The following EPB41L2 variants were observed in gnomAD, a reference collection of about 807,000 sequenced individuals.
The protein encoded by EPB41L2 is erythrocyte membrane protein band 4.1 like 2, also known as band 4.1-like protein 2.
In EPB41L2, 43 loss-of-function variants were observed where a neutral mutation model predicts 113.0. The ratio of observed to expected loss-of-function variants is 0.38; its 90% CI spans 0.30 to 0.49. EPB41L2 has a LOEUF of 0.49. Ranked by LOEUF, EPB41L2 falls within the 20% of genes least tolerant of loss-of-function variation. EPB41L2 has a pLI of 0.95. For missense variants in EPB41L2, 1,147 were observed against 1,223.4 expected (o/e 0.94, Z 0.93); for synonymous variants, 442 against 436.7 (o/e 1.01, Z -0.15).
At chr6:130,853,059 T>C (rs1779212578) in intron 19 of EPB41L2, among the ~76,000 whole-genome samples, 1 of 152,264 alleles carries the variant, frequency 6.6e-6, no homozygotes, top group Non-Finnish European at 1.5e-5. Context: ...CACTGATTTA[T>C]TGTCTGAAGA....
At chr6:130,988,046 G>A (rs902097239) in intron 1 of EPB41L2, among the ~76,000 whole-genome samples, 1 of 152,076 alleles carries the variant, frequency 6.6e-6, no homozygotes, top group Admixed American at 6.5e-5. Context: ...CACCCAGGAG[G>A]TGGAAGCTGC....
intron 3 of EPB41L2, among the ~76,000 whole-genome samples, chr6:130,952,201 T>C (rs1016589399): frequency 1.3e-5 from 2 of 152,116 alleles, no homozygotes; most frequent in Non-Finnish European, 2.9e-5. Flanking sequence ...GGTTGAAATG[T>C]AAATGGTCAA....
chr6:130,970,812 C>G (rs9398967), intron 1 of EPB41L2, among the ~76,000 whole-genome samples: 22,872 of 152,134 alleles, frequency 0.15, 2,313 homozygotes, highest in East Asian at 0.45. Context: ...AGTACCAAAC[C>G]CAACTCATCA....
At chr6:131,041,873 C>T (rs1393707056) in intron 1 of EPB41L2, among the ~76,000 whole-genome samples, 2 of 152,138 alleles carry the variant, frequency 1.3e-5, no homozygotes, top group Admixed American at 6.5e-5. Flanking sequence ...TATGAAACAA[C>T]TGGATAAATA....
chr6:130,966,368 T>C (rs1775182289), intron 1 of EPB41L2, among the ~76,000 whole-genome samples: 1 of 152,164 alleles, frequency 6.6e-6, no homozygotes. Context: ...AGTACATTGT[T>C]AAGTACAAAC....
intron 14 of EPB41L2, among the ~76,000 whole-genome samples, chr6:130,874,029 C>T (rs1168622747): frequency 6.6e-6 from 1 of 152,170 alleles, no homozygotes; most frequent in South Asian, 2.1e-4. Context: ...AAGTGCCACA[C>T]ATTTCGTTAT....
chr6:130,890,489 AAAG>A, intron 10 of EPB41L2, 23 bp from the exon 11 acceptor site: 7 of 1,574,026 alleles, frequency 4.4e-6, no homozygotes, highest in East Asian at 2.2e-5. Flanking sequence ...AAAAAAAAAA[AAAG>A]AGAGAGAGAA....
intron 1 of EPB41L2, among the ~76,000 whole-genome samples, chr6:131,018,745 T>A (rs1466006061): frequency 1.3e-5 from 2 of 152,222 alleles, no homozygotes; most frequent in East Asian, 3.8e-4. Context: ...TGAATTTTTT[T>A]TATATAGACC....
intron 4 of EPB41L2, among the ~76,000 whole-genome samples, chr6:130,924,342 T>C (rs1481155315): frequency 6.6e-6 from 1 of 152,148 alleles, no homozygotes; most frequent in African/African-American, 2.4e-5. Flanking sequence ...TTCAATTATT[T>C]TGTATATATA....
intron 1 of EPB41L2, among the ~76,000 whole-genome samples, chr6:131,023,731 ATATATATC>A (rs1193621362): frequency 3.4e-5 from 3 of 88,488 alleles, no homozygotes; most frequent in Admixed American, 1.1e-4. Flanking sequence ...GTGTGTGTGT[ATATATATC>A]TATATATCTA....
intron 1 of EPB41L2, among the ~76,000 whole-genome samples, chr6:131,031,314 C>A: frequency 1.3e-5 from 2 of 151,208 alleles, no homozygotes; most frequent in South Asian, 2.1e-4. Context: ...TTTTAAAAAG[C>A]CATAATAGAG....
intron 1 of EPB41L2, among the ~76,000 whole-genome samples, chr6:131,020,718 C>T (rs1419642349): frequency 6.6e-6 from 1 of 152,198 alleles, no homozygotes; most frequent in African/African-American, 2.4e-5. Context: ...GCTCAGTTCA[C>T]TGAGGGGGGT....
At chr6:130,944,321 CAAGA>C (rs1376263283) in intron 3 of EPB41L2, among the ~76,000 whole-genome samples, 1 of 151,842 alleles carries the variant, frequency 6.6e-6, no homozygotes, top group Non-Finnish European at 1.5e-5. Context: ...TATAAATGTA[CAAGA>C]AAGTACAGGG....
chr6:131,002,481 G>A (rs1442539683), intron 1 of EPB41L2, among the ~76,000 whole-genome samples: 1 of 152,128 alleles, frequency 6.6e-6, no homozygotes, highest in Non-Finnish European at 1.5e-5. Context: ...GGTGACATTA[G>A]AATAAATGCC....
At chr6:130,943,087 T>C (rs758199534) in intron 3 of EPB41L2, among the ~76,000 whole-genome samples, 62 of 152,338 alleles carry the variant, frequency 4.1e-4, no homozygotes, top group Middle Eastern at 6.8e-3. Context: ...GGTAGAATGA[T>C]TGATAATCCT....
chr6:130,993,666 T>C (rs1244162351), intron 1 of EPB41L2, among the ~76,000 whole-genome samples: 1 of 150,820 alleles, frequency 6.6e-6, no homozygotes, highest in Admixed American at 6.6e-5. Context: ...GCTTCTGCTA[T>C]CTTGCTGACA....
At chr6:130,847,530 A>T (rs574902756) in intron 19 of EPB41L2, among the ~76,000 whole-genome samples, 3 of 151,988 alleles carry the variant, frequency 2.0e-5, no homozygotes, top group Non-Finnish European at 2.9e-5. Flanking sequence ...AACGGCAGGG[A>T]AAAAAAACAA....
At position 130,955,325 on chromosome 6, in the gene EPB41L2, G is replaced by C; in HGVS notation, c.493-8C>G. ...ACTTACTAATTCAGTAGGCTGTTGA[G>C]GAAAAAAAAATAAATTCATACTATA... On this transcript the variant is annotated splice_polypyrimidine_tract_variant and splice_region_variant and intron_variant, in intron 2 of 19. Coordinates refer to ENST00000337057, the MANE Select transcript of EPB41L2 (RefSeq NM_001431.4). 1 of 1,571,270 alleles carries C rather than the reference G, an allele frequency of 6.4e-7. No homozygotes were observed.
At chr6:131,002,215 C>T in intron 1 of EPB41L2, among the ~76,000 whole-genome samples, 1 of 152,124 alleles carries the variant, frequency 6.6e-6, no homozygotes, top group East Asian at 1.9e-4. Flanking sequence ...CAACTATAAA[C>T]TCACACAGAG....
Sources: allele counts gnomAD v4.1 joint callset (sites outside exome capture counted in the v4.1 genomes callset), GRCh38; gene constraint gnomAD v4.1.1; transcripts MANE v1.5; gene names NCBI Gene and HGNC (gene_info 2026-07-23, HGNC 2026-07-21).